The following LRRN3 variants were observed in gnomAD, a reference collection of about 807,000 sequenced individuals.
LRRN3 encodes leucine-rich repeat neuronal protein 3.
A neutral mutation model predicts 40.1 loss-of-function variants in LRRN3; 15 were observed. The ratio of observed to expected loss-of-function variants is 0.37; its 90% CI spans 0.25 to 0.58. The LOEUF is 0.58. Among genes scored for constraint, LRRN3 ranks in the 20% least tolerant of loss-of-function variants. The pLI is 0.72. For synonymous variants in LRRN3, 308 were observed against 297.2 expected (o/e 1.04, Z -0.37); for missense variants, 746 against 837.7 (o/e 0.89, Z 1.35).
intron 2 of LRRN3, among the ~76,000 whole-genome samples, chr7:111,119,703 T>C (rs950077145): frequency 6.6e-6 from 1 of 152,194 alleles, no homozygotes; most frequent in Non-Finnish European, 1.5e-5. Context: ...ATACAATTCA[T>C]TTATCAGTTC....
intron 2 of LRRN3, among the ~76,000 whole-genome samples, chr7:111,108,195 A>T (rs1465062476): frequency 2.0e-5 from 3 of 152,176 alleles, no homozygotes; most frequent in Non-Finnish European, 4.4e-5. Flanking sequence ...TCAGCTGGCA[A>T]CAAGCATGGT....
chr7:111,112,729 A>G (rs1435451773), intron 2 of LRRN3, among the ~76,000 whole-genome samples: 1 of 152,182 alleles, frequency 6.6e-6, no homozygotes. Flanking sequence ...AAATAGACAA[A>G]CAATCCCATG....
At chr7:111,107,818 G>A (rs1321287797) in intron 2 of LRRN3, among the ~76,000 whole-genome samples, 2 of 152,066 alleles carry the variant, frequency 1.3e-5, no homozygotes, top group Non-Finnish European at 2.9e-5. Context: ...TCTTGGTCAA[G>A]CTGTAGTATT....
At chr7:111,121,876 C>T (rs1800669976) in intron 2 of LRRN3, among the ~76,000 whole-genome samples, 3 of 152,146 alleles carry the variant, frequency 2.0e-5, no homozygotes, top group South Asian at 4.1e-4. Context: ...GGCAAATATA[C>T]ACCATGGAAT....
chr7:111,101,175 T>C (rs1346330033), intron 2 of LRRN3, among the ~76,000 whole-genome samples: 2 of 151,538 alleles, frequency 1.3e-5, no homozygotes, highest in Non-Finnish European at 3.0e-5. Context: ...TTACTTGATA[T>C]AGACTTTTAT....
chr7:111,124,932 C>CAAAAAAAAAAAAAAA lies in LRRN3; in HGVS notation c.*46_*47insAAAAAAAAAAAAAAA. 1 of 888,504 alleles carries CAAAAAAAAAAAAAAA rather than the reference C, an allele frequency of 1.1e-6. No homozygotes were observed. 55.0% of individuals were successfully genotyped at this position (888,504 alleles called of 1,614,324 possible). ...CAAGGAAACCTACTCCAAAAATGAA[C>CAAAAAAAAAAAAAAA]AAAAAAAAAAAAAGCGAAAGACTGC... is the stretch of plus-strand genomic sequence containing the variant. On this transcript the variant is annotated 3_prime_UTR_variant, in exon 3 of 3. Coordinates refer to ENST00000308478, the MANE Select transcript of LRRN3 (RefSeq NM_001099658.2).
chr7:111,121,043 G>C (rs1347218509), intron 2 of LRRN3, among the ~76,000 whole-genome samples: 2 of 151,818 alleles, frequency 1.3e-5, no homozygotes, highest in African/African-American at 4.8e-5. Context: ...AAATTACAAG[G>C]TATAAACAAG....
rs558194099 is a variant in LRRN3 at position 111,100,322 on chromosome 7, T to G, written c.-359+360T>G. Among the ~76,000 whole-genome samples, 26 of 150,982 alleles carry G rather than the reference T, an allele frequency of 1.7e-4. No homozygotes were observed. In the South Asian group the frequency reaches 5.2e-3, roughly 30 times the overall value. ...CCTTAGAGAAGCATTTGACTTTTTATGCAGAAGCATCTAACAACAGGCTCT... is the reference window on the plus strand; with the variant it reads ...CCTTAGAGAAGCATTTGACTTTTTAGGCAGAAGCATCTAACAACAGGCTCT... On this transcript the variant is annotated intron_variant, in intron 2 of 2. Transcript: ENST00000308478.
At chr7:111,095,972 T>C (rs1047888182) in intron 1 of LRRN3, among the ~76,000 whole-genome samples, 7 of 151,962 alleles carry the variant, frequency 4.6e-5, no homozygotes, top group Non-Finnish European at 8.8e-5. Context: ...TGATATCTCC[T>C]TAATATCACA....
chr7:111,119,432 G>C (rs1479929762), intron 2 of LRRN3, among the ~76,000 whole-genome samples: 1 of 152,086 alleles, frequency 6.6e-6, no homozygotes, highest in Non-Finnish European at 1.5e-5. Context: ...CCCAGTAATT[G>C]GCATGTAGAA....
chr7:111,096,431 A>T (rs541621271), intron 1 of LRRN3, among the ~76,000 whole-genome samples: 1 of 151,794 alleles, frequency 6.6e-6, no homozygotes, highest in Non-Finnish European at 1.5e-5. Flanking sequence ...ACCACACTAT[A>T]TCTGGATAGA....
chr7:111,121,626 T>C (rs148326761), intron 2 of LRRN3, among the ~76,000 whole-genome samples: 3,862 of 152,260 alleles, frequency 0.025, 163 homozygotes, highest in African/African-American at 0.088. Context: ...TTTTACACTG[T>C]TGGTGGGGCT....
At chr7:111,097,585 A>G (rs1157610010) in intron 1 of LRRN3, among the ~76,000 whole-genome samples, 1 of 148,890 alleles carries the variant, frequency 6.7e-6, no homozygotes, top group Non-Finnish European at 1.5e-5. Context: ...TTTCTTAAGG[A>G]AAAAAAACAA....
At chr7:111,111,696 G>A (rs1456753190) in intron 2 of LRRN3, among the ~76,000 whole-genome samples, 1 of 151,800 alleles carries the variant, frequency 6.6e-6, no homozygotes. Context: ...ATGAATTCAA[G>A]GGGGTTGTAG....
At chr7:111,095,204 G>T (rs1412732835) in intron 1 of LRRN3, among the ~76,000 whole-genome samples, 1 of 151,972 alleles carries the variant, frequency 6.6e-6, no homozygotes, top group Non-Finnish European at 1.5e-5. Context: ...GACATTAGTA[G>T]CTAGTCTAAT....
chr7:111,118,771 T>C (rs1800217027), intron 2 of LRRN3, among the ~76,000 whole-genome samples: 1 of 152,118 alleles, frequency 6.6e-6, no homozygotes, highest in African/African-American at 2.4e-5. Flanking sequence ...GTCAATATTA[T>C]GCTAAAGAAA....
chr7:111,102,947 T>C (rs745764731), intron 2 of LRRN3, among the ~76,000 whole-genome samples: 8 of 151,508 alleles, frequency 5.3e-5, no homozygotes, highest in Non-Finnish European at 8.9e-5. Flanking sequence ...GACCATATAG[T>C]ATAGGACAAT....
At chr7:111,096,459 C>A (rs1279939705) in intron 1 of LRRN3, among the ~76,000 whole-genome samples, 1 of 150,530 alleles carries the variant, frequency 6.6e-6, no homozygotes, top group South Asian at 2.1e-4. Context: ...AAATTAAAAT[C>A]TTTATTTCTT....
chr7:111,123,160 G>C lies in LRRN3; in HGVS notation c.388G>C (p.Glu130Gln), dbSNP rs1051649493. ...GTACCTAGAGGAAAACAAACTTACT[G>C]AACTGCCTGAAAAATGTCTGTCCGA... Reference protein sequence around the residue: ...SVYLEENKLTELPEKCLSELS... With the variant: ...SVYLEENKLTQLPEKCLSELS... The change falls in exon 3 of 3, where the codon GAA (glutamate) becomes CAA (glutamine). Residue 130 changes from glutamate (E) to glutamine (Q), a missense_variant. Physicochemically the swap from Glu to Gln is conservative, Grantham distance 29 (BLOSUM62 2). Coordinates refer to ENST00000308478, the MANE Select transcript of LRRN3 (RefSeq NM_001099658.2). The surrounding 1 kb of genome is among the most constrained non-coding windows in gnomAD (Gnocchi z 6.4). The C allele has an allele frequency of 6.2e-6, 10 of 1,613,796 alleles. No individual in the cohort carries two copies. The highest frequency in any genetic ancestry group is 5.0e-5 in the Admixed American group (3 of 59,936).
Sources: allele counts gnomAD v4.1 joint callset (sites outside exome capture counted in the v4.1 genomes callset), GRCh38; gene constraint gnomAD v4.1.1; non-coding constraint Gnocchi (gnomAD v3.1); transcripts MANE v1.5; gene names NCBI Gene and HGNC (gene_info 2026-07-23, HGNC 2026-07-21).